The following PLCB1 variants were observed in gnomAD, a reference collection of about 807,000 sequenced individuals.
PLCB1 encodes 1-phosphatidylinositol 4,5-bisphosphate phosphodiesterase beta-1.
PLCB1 carries 46 observed loss-of-function variants against 161.8 expected under a neutral mutation model. The ratio of observed to expected loss-of-function variants is 0.28; its 90% confidence interval spans 0.22 to 0.36. The LOEUF (loss-of-function observed/expected upper bound fraction) is 0.36, where lower values mean the gene tolerates loss of function less well. Among genes scored for constraint, PLCB1 ranks in the 10% least tolerant of loss-of-function variants. The pLI, the probability that PLCB1 is intolerant of heterozygous loss-of-function variation, is 1.00. For missense variants in PLCB1, 1,016 were observed against 1,472.5 expected, an observed-to-expected ratio of 0.69 and a Z score of 5.07; for synonymous variants, 517 against 503.7, an observed-to-expected ratio of 1.03 and a Z score of -0.35.
intron 10 of PLCB1, among the ~76,000 whole-genome samples, chr20:8,696,314 T>C (rs999194668): frequency 3.0e-4 from 46 of 152,226 alleles, no homozygotes; most frequent in African/African-American, 1.1e-3. Flanking sequence ...TGACCATAAA[T>C]TGAGGGTTTA....
intron 2 of PLCB1, among the ~76,000 whole-genome samples, chr20:8,293,298 T>C (rs886303166): frequency 8.5e-5 from 13 of 152,276 alleles, no homozygotes; most frequent in African/African-American, 3.1e-4. Context: ...TGAATAACCC[T>C]AGTTTTCCTG....
chr20:8,228,945 G>T (rs1402578439), intron 2 of PLCB1, among the ~76,000 whole-genome samples: 2 of 151,996 alleles, frequency 1.3e-5, no homozygotes, highest in Non-Finnish European at 1.5e-5. Flanking sequence ...TACAATTTTT[G>T]ACTGCAGTCA....
At chr20:8,159,721 C>G (rs6086353) in intron 2 of PLCB1, among the ~76,000 whole-genome samples, 10 of 152,092 alleles carry the variant, frequency 6.6e-5, no homozygotes, top group Admixed American at 1.3e-4. Flanking sequence ...GGCGTGGTGG[C>G]TCATGCCTGC....
Position 8,142,986 on chromosome 20 carries a change from A to G in PLCB1, c.100-7308A>G, listed in dbSNP as rs2051419154. ...TATTTTGGAGCTCGACCTTCCTGGC[A>G]TCTCTGAATCCTGACTTCATTATTA... is the stretch of plus-strand genomic sequence containing the variant. On this transcript the variant is annotated intron_variant, in intron 1 of 31. Coordinates refer to ENST00000338037, the MANE Select transcript of PLCB1 (RefSeq NM_015192.4). Among the ~76,000 whole-genome samples, 4 of 152,120 alleles carry G rather than the reference A, an allele frequency of 2.6e-5. No individual in the cohort carries two copies. The South Asian group carries it at 8.3e-4, about 32-fold the overall frequency.
intron 9 of PLCB1, among the ~76,000 whole-genome samples, chr20:8,684,624 C>A (rs2123398590): frequency 6.6e-6 from 1 of 152,132 alleles, no homozygotes. Context: ...CAGAGATAAG[C>A]ACTGATAACA....
At chr20:8,567,572 T>G (rs778528169) in intron 3 of PLCB1, among the ~76,000 whole-genome samples, 5 of 152,150 alleles carry the variant, frequency 3.3e-5, no homozygotes, top group African/African-American at 4.8e-5. Context: ...AACATCATCA[T>G]GCATATAAAA....
chr20:8,429,216 A>G (rs529150083), intron 3 of PLCB1, among the ~76,000 whole-genome samples: 2 of 152,202 alleles, frequency 1.3e-5, no homozygotes, highest in Non-Finnish European at 2.9e-5. Flanking sequence ...TGACACATGT[A>G]CTTACTCACT....
At chr20:8,574,467 A>G (rs1292307532) in intron 3 of PLCB1, among the ~76,000 whole-genome samples, 4 of 152,212 alleles carry the variant, frequency 2.6e-5, no homozygotes, top group Non-Finnish European at 5.9e-5. Flanking sequence ...TAGTCACAGA[A>G]AAAAACAGAA....
At chr20:8,316,516 C>A (rs1374425728) in intron 2 of PLCB1, among the ~76,000 whole-genome samples, 1 of 152,188 alleles carries the variant, frequency 6.6e-6, no homozygotes, top group Non-Finnish European at 1.5e-5. Context: ...GTTGGTCAGT[C>A]TCAACCCGGA....
At chr20:8,851,954 C>A (rs142298384) in intron 31 of PLCB1, among the ~76,000 whole-genome samples, 14 of 152,250 alleles carry the variant, frequency 9.2e-5, no homozygotes, top group African/African-American at 2.2e-4. Context: ...TCAACAGTGG[C>A]ATGGGTAAAT....
At chr20:8,588,151 G>A (rs113426841) in intron 3 of PLCB1, among the ~76,000 whole-genome samples, 56 of 152,248 alleles carry the variant, frequency 3.7e-4, no homozygotes, top group African/African-American at 1.2e-3. Context: ...CTCTGCACTG[G>A]GAATTATAGA....
intron 3 of PLCB1, among the ~76,000 whole-genome samples, chr20:8,587,875 T>C (rs1370737324): frequency 1.3e-5 from 2 of 152,192 alleles, no homozygotes; most frequent in African/African-American, 4.8e-5. Flanking sequence ...TGTTCTACAG[T>C]ACATAACTGT....
At chr20:8,356,242 C>T (rs1986358181) in intron 2 of PLCB1, among the ~76,000 whole-genome samples, 1 of 152,000 alleles carries the variant, frequency 6.6e-6, no homozygotes, top group Admixed American at 6.6e-5. Flanking sequence ...CCTGGTATAT[C>T]CACAAGATAA....
chr20:8,206,402 A>G (rs942859344), intron 2 of PLCB1, among the ~76,000 whole-genome samples: 8 of 152,182 alleles, frequency 5.3e-5, no homozygotes, highest in Non-Finnish European at 1.2e-4. Flanking sequence ...GTGGGATTCA[A>G]TAAAATGAGA....
chr20:8,757,233 T>A (rs1981785491), intron 24 of PLCB1, 55 bp downstream of exon 24: 1 of 1,536,918 alleles, frequency 6.5e-7, no homozygotes, highest in East Asian at 2.3e-5. Flanking sequence ...AGTTCATTAG[T>A]GCCACTGACG....
intron 3 of PLCB1, among the ~76,000 whole-genome samples, chr20:8,539,680 C>CTTTCTT (rs1985223025): frequency 7.5e-5 from 4 of 53,408 alleles, no homozygotes; most frequent in South Asian, 7.1e-4. Context: ...TTCTTTCTTT[C>CTTTCTT]TTTCTTTTTC....
At chr20:8,503,205 CA>C (rs1325837604) in intron 3 of PLCB1, among the ~76,000 whole-genome samples, 2 of 152,148 alleles carry the variant, frequency 1.3e-5, no homozygotes, top group Non-Finnish European at 2.9e-5. Flanking sequence ...TTCTAAATGC[CA>C]ATCTGGTCAA....
chr20:8,225,953 T>C (rs1169527169), intron 2 of PLCB1, among the ~76,000 whole-genome samples: 1 of 152,244 alleles, frequency 6.6e-6, no homozygotes, highest in East Asian at 1.9e-4. Flanking sequence ...TTTTTCAGCC[T>C]TAAGTTTCTG....
chr20:8,516,243 C>T (rs1318411680), intron 3 of PLCB1, among the ~76,000 whole-genome samples: 1 of 152,182 alleles, frequency 6.6e-6, no homozygotes. Context: ...AGCCCAGGTC[C>T]TCCTGGCAGT....
Sources: allele counts gnomAD v4.1 joint callset (sites outside exome capture counted in the v4.1 genomes callset), GRCh38; gene constraint gnomAD v4.1.1; transcripts MANE v1.5; gene names NCBI Gene and HGNC (gene_info 2026-07-23, HGNC 2026-07-21).